PSD3: variants seen among roughly 807,000 people sequenced by gnomAD.
PSD3 encodes PH and SEC7 domain-containing protein 3.
A neutral mutation model predicts 105.5 loss-of-function variants in PSD3; 49 were observed. The ratio of observed to expected loss-of-function variants is 0.46; its 90% CI spans 0.37 to 0.59. The LOEUF (loss-of-function observed/expected upper bound fraction) is 0.59, where lower values mean the gene tolerates loss of function less well. Ranked by LOEUF, PSD3 falls within the 20% of genes least tolerant of loss-of-function variation. The pLI, the probability that PSD3 is intolerant of heterozygous loss-of-function variation, is 0.00. For synonymous variants in PSD3, 557 were observed against 457.8 expected, an observed-to-expected ratio of 1.22 and a Z score of -2.77; for missense variants, 1,561 against 1,263.8, an observed-to-expected ratio of 1.24 and a Z score of -3.57.
intron 4 of PSD3, among the ~76,000 whole-genome samples, chr8:18,809,132 A>G (rs1187802737): frequency 2.0e-5 from 3 of 152,190 alleles, no homozygotes; most frequent in Non-Finnish European, 4.4e-5. Flanking sequence ...TACACAAGAC[A>G]TTGCAGCTCT....
intron 1 of PSD3, among the ~76,000 whole-genome samples, chr8:18,972,385 G>C (rs1158688620): frequency 6.6e-6 from 1 of 152,232 alleles, no homozygotes; most frequent in Middle Eastern, 3.2e-3. Context: ...ATAACAAACA[G>C]ACAGATGTGA....
intron 9 of PSD3, among the ~76,000 whole-genome samples, chr8:18,666,378 G>A (rs548716049): frequency 3.9e-5 from 6 of 152,276 alleles, no homozygotes; most frequent in East Asian, 3.9e-4. Context: ...AAATGCATAC[G>A]GACACCAAAA....
At chr8:18,788,603 T>C (rs999044505) in intron 8 of PSD3, among the ~76,000 whole-genome samples, 1 of 152,212 alleles carries the variant, frequency 6.6e-6, no homozygotes, top group Non-Finnish European at 1.5e-5. Flanking sequence ...TCTTCATTTT[T>C]GATAGTGTCA....
At chr8:18,692,691 T>C (rs1801035894) in intron 9 of PSD3, among the ~76,000 whole-genome samples, 1 of 152,198 alleles carries the variant, frequency 6.6e-6, no homozygotes, top group Non-Finnish European at 1.5e-5. Flanking sequence ...ATTCATTTTT[T>C]TCTTCCCAGT....
At chr8:18,548,782 G>T (rs1402808770) in intron 15 of PSD3, among the ~76,000 whole-genome samples, 1 of 152,148 alleles carries the variant, frequency 6.6e-6, no homozygotes, top group Non-Finnish European at 1.5e-5. Context: ...GAGGTGCATG[G>T]AGCATTTGGA....
chr8:18,571,018 C>T (rs1352771238), intron 14 of PSD3, among the ~76,000 whole-genome samples: 1 of 151,990 alleles, frequency 6.6e-6, no homozygotes, highest in African/African-American at 2.4e-5. Context: ...CACCACTGCG[C>T]CTGGCTAATT....
rs1209356295 is a variant in PSD3 at position 18,594,075 on chromosome 8, T to C, written c.2481+6289A>G. ...CCAACATGGCACATGTATACATATA[T>C]AACAAACCTGCACGTTGTGCATATG... On this transcript the variant is annotated intron_variant, in intron 12 of 15. Transcript: ENST00000327040. 2.7e-4 allele frequency among the ~76,000 whole-genome samples: 38 copies of C among 138,280 alleles called. 2 individuals carry two copies. The highest frequency in any genetic ancestry group is 1.0e-3 in the African/African-American group (36 of 35,572). 90.7% of individuals were successfully genotyped at this position (138,280 alleles called of 152,430 possible).
At chr8:18,696,295 G>T (rs555796213) in intron 9 of PSD3, among the ~76,000 whole-genome samples, 1 of 152,088 alleles carries the variant, frequency 6.6e-6, no homozygotes, top group African/African-American at 2.4e-5. Flanking sequence ...CATACAGGCC[G>T]GAAACTTCAC....
At chr8:18,626,714 G>A in intron 11 of PSD3, among the ~76,000 whole-genome samples, 1 of 152,052 alleles carries the variant, frequency 6.6e-6, no homozygotes, top group East Asian at 1.9e-4. Context: ...AAACAATTAA[G>A]GCATTCTGGT....
chr8:18,789,092 C>T lies in PSD3; in HGVS notation c.2082+10203G>A, dbSNP rs1809460736. On this transcript the variant is annotated intron_variant, in intron 8 of 15. Transcript: ENST00000327040. ...CTTCTCCCACCTGTCCTATAATATC[C>T]TGCCTTTGAAAAAGGAATCAGAGTG... is the stretch of plus-strand genomic sequence containing the variant. 2.6e-5 allele frequency among the ~76,000 whole-genome samples: 4 copies of T among 152,054 alleles called. No homozygotes were observed. The South Asian group carries it at 8.3e-4, about 32-fold the overall frequency.
chr8:18,683,644 T>C, intron 9 of PSD3: 1 of 628,156 alleles, frequency 1.6e-6, no homozygotes, highest in Non-Finnish European at 2.9e-6. Context: ...CACCTGATTC[T>C]CTTAGAACCA....
chr8:18,904,133 A>G (rs2129461665), intron 2 of PSD3, among the ~76,000 whole-genome samples: 1 of 152,286 alleles, frequency 6.6e-6, no homozygotes, highest in South Asian at 2.1e-4. Context: ...TACTCATGGT[A>G]CATGGCAAAG....
intron 15 of PSD3, among the ~76,000 whole-genome samples, chr8:18,547,072 G>C: frequency 6.6e-6 from 1 of 152,100 alleles, no homozygotes. Flanking sequence ...GGATTAATTT[G>C]TCTCGTGTGC....
chr8:19,064,498 G>T (rs944744045), intron 1 of PSD3, among the ~76,000 whole-genome samples: 1 of 152,008 alleles, frequency 6.6e-6, no homozygotes, highest in African/African-American at 2.4e-5. Flanking sequence ...GTTGCCTCAA[G>T]CGTTTATCAT....
intron 12 of PSD3, among the ~76,000 whole-genome samples, chr8:18,596,947 G>C (rs1037553675): frequency 1.3e-5 from 2 of 152,080 alleles, no homozygotes; most frequent in Non-Finnish European, 2.9e-5. Context: ...TTGAAGAGGA[G>C]GGAACACTTC....
chr8:18,892,175 T>TCA (rs60102889), intron 2 of PSD3, among the ~76,000 whole-genome samples: 44 of 149,956 alleles, frequency 2.9e-4, no homozygotes, highest in African/African-American at 5.1e-4. Context: ...TTACTTACAA[T>TCA]CACACACACA....
chr8:18,842,370 C>A (rs1814697007), intron 4 of PSD3, among the ~76,000 whole-genome samples: 1 of 152,216 alleles, frequency 6.6e-6, no homozygotes, highest in African/African-American at 2.4e-5. Context: ...AAGGGATTTA[C>A]ATGGGAAAAA....
chr8:18,659,602 A>G (rs905601814), intron 9 of PSD3, among the ~76,000 whole-genome samples: 1 of 152,242 alleles, frequency 6.6e-6, no homozygotes, highest in Non-Finnish European at 1.5e-5. Context: ...CCAAAGTCAG[A>G]GCCCATTTGA....
At chr8:18,733,146 T>C (rs1395153147) in intron 9 of PSD3, 4 of 152,200 alleles carry the variant, frequency 2.6e-5, no homozygotes, top group African/African-American at 9.6e-5. Flanking sequence ...CTTTTTCTTA[T>C]GACTTTTGGC....
Sources: gnomAD v4.1 joint callset for allele counts (sites outside exome capture counted in the v4.1 genomes callset) on GRCh38, gnomAD v4.1.1 for gene constraint, MANE v1.5 for transcripts, NCBI Gene and HGNC (gene_info 2026-07-23, HGNC 2026-07-21) for gene names.